Variants in BLTP1 observed in about 807,000 individuals in gnomAD.
The protein encoded by BLTP1 is bridge-like lipid transfer protein family member 1.
the BLTP1 span, chr4:122,223,093 T>C: frequency 5.6e-6 from 5 of 886,326 alleles, no homozygotes; most frequent in African/African-American, 1.8e-5. Flanking sequence ...AATTAATGCC[T>C]GGAGAAGTCA....
the BLTP1 span, among the ~76,000 whole-genome samples, chr4:122,334,782 G>T: frequency 6.6e-6 from 1 of 151,886 alleles, no homozygotes; most frequent in Non-Finnish European, 1.5e-5. Flanking sequence ...AATAGTTTAC[G>T]TAATTAAATT....
chr4:122,235,744 G>T, the BLTP1 span: 3 of 152,292 alleles, frequency 2.0e-5, no homozygotes, highest in Admixed American at 6.5e-5. Context: ...CGCGGAGCTT[G>T]CAGGGAGAGG....
the BLTP1 span, among the ~76,000 whole-genome samples, chr4:122,278,094 C>T: frequency 6.6e-6 from 1 of 151,618 alleles, no homozygotes; most frequent in Non-Finnish European, 1.5e-5. Flanking sequence ...ATTGTATAAA[C>T]ACATAAAAAT....
At chr4:122,264,576 T>G in the BLTP1 span, 1 of 563,862 alleles carries the variant, frequency 1.8e-6, no homozygotes, top group South Asian at 5.7e-5. Context: ...AGGAGGAGCC[T>G]TTAAAAAGTA....
At chr4:122,298,962 G>A in the BLTP1 span, 13 of 985,206 alleles carry the variant, frequency 1.3e-5, no homozygotes, top group Admixed American at 6.2e-5. Flanking sequence ...AGAAATGACA[G>A]AAGATGAAGA....
At chr4:122,160,388 AT>A in the BLTP1 span, among the ~76,000 whole-genome samples, 5 of 152,140 alleles carry the variant, frequency 3.3e-5, no homozygotes, top group Non-Finnish European at 5.9e-5. Context: ...GATGGGAGCA[AT>A]TTTTAAGCAG....
At chr4:122,234,607 A>C in the BLTP1 span, 3 of 352,588 alleles carry the variant, frequency 8.5e-6, no homozygotes, top group South Asian at 3.5e-4. Flanking sequence ...AGAAAGGCAA[A>C]TGATTTAAAA....
chr4:122,189,418 A>G, the BLTP1 span: 7 of 983,084 alleles, frequency 7.1e-6, no homozygotes, highest in African/African-American at 8.7e-5. Context: ...GTTAGAGTTC[A>G]CGATGTTTGC....
At chr4:122,348,017 T>C in the BLTP1 span, among the ~76,000 whole-genome samples, 1 of 152,034 alleles carries the variant, frequency 6.6e-6, no homozygotes, top group East Asian at 1.9e-4. Flanking sequence ...GGAGAGGAAT[T>C]AGCATATTGT....
the BLTP1 span, among the ~76,000 whole-genome samples, chr4:122,284,979 C>T: frequency 6.6e-6 from 1 of 152,152 alleles, no homozygotes; most frequent in Non-Finnish European, 1.5e-5. Context: ...TTTTGCTGAA[C>T]ATTTAGAACT....
chr4:122,267,207 T>C, the BLTP1 span, among the ~76,000 whole-genome samples: 8 of 151,696 alleles, frequency 5.3e-5, no homozygotes, highest in Non-Finnish European at 1.0e-4. Context: ...CACAAGCGCC[T>C]GCCACCATGC....
the BLTP1 span, chr4:122,219,315 A>G: frequency 1.2e-5 from 19 of 1,605,546 alleles, no homozygotes; most frequent in East Asian, 4.0e-4. Context: ...TTTGACAGCA[A>G]TTTGTGTTTT....
chr4:122,157,721 G>T, the BLTP1 span, among the ~76,000 whole-genome samples: 3 of 152,126 alleles, frequency 2.0e-5, no homozygotes, highest in African/African-American at 7.2e-5. Context: ...TTAATTCCAT[G>T]ATGGCTCACT....
chr4:122,204,633 T>C, the BLTP1 span: 8 of 956,946 alleles, frequency 8.4e-6, no homozygotes, highest in Non-Finnish European at 9.9e-6. Flanking sequence ...AAAGACAGTA[T>C]TTAGTTTGAC....
chr4:122,211,337 A>G, the BLTP1 span, among the ~76,000 whole-genome samples: 44,246 of 150,584 alleles, frequency 0.29, 7,527 homozygotes, highest in East Asian at 0.45. Context: ...GCTAGTTGCT[A>G]TAGATAGAGA....
chr4:122,344,686 A>AG, the BLTP1 span: 1 of 1,157,250 alleles, frequency 8.6e-7, no homozygotes, highest in Admixed American at 2.6e-5. Context: ...GTTGATATAA[A>AG]GGAGAGGAAT....
chr4:122,271,433 A>G, the BLTP1 span: 7 of 1,613,722 alleles, frequency 4.3e-6, no homozygotes, highest in Admixed American at 1.7e-5. Context: ...TAGAGTAAAT[A>G]ATGCAAAGAA....
the BLTP1 span, chr4:122,276,411 A>C: frequency 3.1e-6 from 3 of 964,846 alleles, no homozygotes; most frequent in African/African-American, 1.8e-5. Flanking sequence ...AAACACTAAC[A>C]AAACATCTGT....
At chr4:122,175,881 T>G in the BLTP1 span, 1 of 1,575,664 alleles carries the variant, frequency 6.3e-7, no homozygotes, top group Non-Finnish European at 8.7e-7. Context: ...TTTTCGGTGG[T>G]GGAAAATGTA....
Sources: gnomAD v4.1 joint callset for allele counts (sites outside exome capture counted in the v4.1 genomes callset) on GRCh38, gnomAD v4.1.1 for gene constraint, MANE v1.5 for transcripts, NCBI Gene and HGNC (gene_info 2026-07-23, HGNC 2026-07-21) for gene names.